SAMD5: variants seen among roughly 807,000 people sequenced by gnomAD.
SAMD5 encodes sterile alpha motif domain-containing protein 5.
In SAMD5, 13 loss-of-function variants were observed where a neutral mutation model predicts 11.3. The observed-to-expected ratio is 1.15, with a 90% CI of 0.75 to 1.83. The LOEUF (loss-of-function observed/expected upper bound fraction) is 1.83. Among genes scored for constraint, SAMD5 ranks in the 40% most tolerant of loss-of-function variants. The pLI, the probability that SAMD5 is intolerant of heterozygous loss-of-function variation, is 0.00. For synonymous variants in SAMD5, 129 were observed against 111.3 expected (o/e 1.16, Z -1.00); for missense variants, 255 against 239.1 (o/e 1.07, Z -0.44).
the SAMD5 span, among the ~76,000 whole-genome samples, chr6:147,901,837 C>A: frequency 1.3e-5 from 2 of 152,100 alleles, no homozygotes; most frequent in Admixed American, 6.5e-5. Context: ...TGTTGATTTC[C>A]TTACACTCCA....
At chr6:147,734,826 T>C (rs1166551518) in intron 1 of SAMD5, among the ~76,000 whole-genome samples, 1 of 151,024 alleles carries the variant, frequency 6.6e-6, no homozygotes, top group Non-Finnish European at 1.5e-5. Flanking sequence ...GTTTTTTAAA[T>C]GGATGAGAAC....
chr6:147,639,125 T>C (rs1343735300), intron 1 of SAMD5, among the ~76,000 whole-genome samples: 2 of 152,222 alleles, frequency 1.3e-5, no homozygotes, highest in African/African-American at 4.8e-5. Context: ...AAATGAAAGT[T>C]ATTCATTTTC....
intron 1 of SAMD5, among the ~76,000 whole-genome samples, chr6:147,537,337 G>C (rs1788525034): frequency 6.6e-6 from 1 of 152,114 alleles, no homozygotes; most frequent in Admixed American, 6.5e-5. Context: ...TTTAAAATTT[G>C]ATTTTGGAAA....
intron 1 of SAMD5, among the ~76,000 whole-genome samples, chr6:147,544,572 G>A (rs188842937): frequency 2.0e-5 from 3 of 152,190 alleles, no homozygotes; most frequent in South Asian, 2.1e-4. Flanking sequence ...CAAATTTAGC[G>A]ACATACCTTT....
intron 1 of SAMD5, among the ~76,000 whole-genome samples, chr6:147,731,746 T>C (rs948384574): frequency 6.7e-6 from 1 of 150,318 alleles, no homozygotes; most frequent in Non-Finnish European, 1.5e-5. Flanking sequence ...TCCATTCTTT[T>C]AGTCATCACT....
chr6:147,862,477 G>T, the SAMD5 span, among the ~76,000 whole-genome samples: 161 of 152,314 alleles, frequency 1.1e-3, no homozygotes, highest in African/African-American at 3.7e-3. Context: ...AAAAGACCCT[G>T]TAGGGGATGT....
At chr6:147,509,841 C>T (rs1788060724) in intron 1 of SAMD5, among the ~76,000 whole-genome samples, 1 of 152,174 alleles carries the variant, frequency 6.6e-6, no homozygotes, top group East Asian at 1.9e-4. Flanking sequence ...AATCGGTGAA[C>T]TCTTTAAAGA....
chr6:147,843,463 T>C, the SAMD5 span, among the ~76,000 whole-genome samples: 1 of 152,190 alleles, frequency 6.6e-6, no homozygotes, highest in Non-Finnish European at 1.5e-5. Context: ...AAAATTCCAA[T>C]GTCATTCTTC....
At chr6:147,863,975 C>T in the SAMD5 span, among the ~76,000 whole-genome samples, 1 of 151,554 alleles carries the variant, frequency 6.6e-6, no homozygotes, top group African/African-American at 2.4e-5. Context: ...TCCCGAGTAG[C>T]TGGGATTACA....
rs573191330 is a variant in SAMD5 at position 147,529,598 on chromosome 6, G to T, written c.459+20211G>T. Among the ~76,000 whole-genome samples, 17 of 152,294 alleles carry T rather than the reference G, an allele frequency of 1.1e-4. No homozygotes were observed. The East Asian group carries it at 2.9e-3, about 26-fold the overall frequency. On this transcript the variant is annotated intron_variant, in intron 1 of 1. Transcript: ENST00000367474. ...AACCTCATAGGAAGCCTTCCAGAAG[G>T]TTTGCATAAAGGAATATAGCACACA...
chr6:147,715,980 A>G (rs1389379490), intron 1 of SAMD5, among the ~76,000 whole-genome samples: 1 of 152,116 alleles, frequency 6.6e-6, no homozygotes, highest in Non-Finnish European at 1.5e-5. Flanking sequence ...TGGAAAAAGC[A>G]CCATAAGTTC....
chr6:147,770,910 A>C, the SAMD5 span, among the ~76,000 whole-genome samples: 2 of 152,316 alleles, frequency 1.3e-5, no homozygotes. Flanking sequence ...TGCTAGTGAA[A>C]CTAAGTTCAT....
intron 1 of SAMD5, among the ~76,000 whole-genome samples, chr6:147,540,072 A>G (rs1788575337): frequency 6.6e-6 from 1 of 151,432 alleles, no homozygotes. Flanking sequence ...GATGGTGAGC[A>G]GTTTCTTTTT....
chr6:147,688,827 C>T (rs1415000982), intron 1 of SAMD5, among the ~76,000 whole-genome samples: 3 of 152,178 alleles, frequency 2.0e-5, no homozygotes, highest in Admixed American at 2.0e-4. Context: ...AGGTGGGACA[C>T]TTTTTGTTTG....
intron 1 of SAMD5, among the ~76,000 whole-genome samples, chr6:147,619,308 G>A (rs1583109269): frequency 6.6e-6 from 1 of 152,270 alleles, no homozygotes; most frequent in African/African-American, 2.4e-5. Context: ...GAACTTCCTA[G>A]CGGCCAAGAT....
At chr6:147,833,489 CA>C in the SAMD5 span, among the ~76,000 whole-genome samples, 1 of 152,040 alleles carries the variant, frequency 6.6e-6, no homozygotes, top group Non-Finnish European at 1.5e-5. Context: ...GGAAAGGTAT[CA>C]AAAACCATAT....
intron 1 of SAMD5, chr6:147,733,856 C>T: frequency 2.5e-6 from 1 of 401,608 alleles, no homozygotes; most frequent in African/African-American, 2.2e-5. Context: ...TTGGCCTGTC[C>T]CTGCAGCTGG....
chr6:147,573,394 A>T (rs575504843), downstream of SAMD5, among the ~76,000 whole-genome samples: 1 of 152,202 alleles, frequency 6.6e-6, no homozygotes, highest in Admixed American at 6.5e-5. Context: ...GAAATGCCAG[A>T]TGCTTATAAA....
intron 1 of SAMD5, among the ~76,000 whole-genome samples, chr6:147,714,866 AT>A (rs1455458070): frequency 1.3e-5 from 2 of 152,108 alleles, no homozygotes; most frequent in African/African-American, 4.8e-5. Context: ...TTATCCATCC[AT>A]TTCTGAATTA....
Sources: gnomAD v4.1 joint callset for allele counts (sites outside exome capture counted in the v4.1 genomes callset) on GRCh38, gnomAD v4.1.1 for gene constraint, MANE v1.5 for transcripts, NCBI Gene and HGNC (gene_info 2026-07-23, HGNC 2026-07-21) for gene names.